DIXDC1: variants seen among roughly 807,000 people sequenced by gnomAD.
The protein encoded by DIXDC1 is dixin.
Under a neutral mutation model 103.1 loss-of-function variants are expected in DIXDC1, and 64 were observed. The observed-to-expected ratio is 0.62, with a 90% CI of 0.51 to 0.76. The LOEUF (loss-of-function observed/expected upper bound fraction) is 0.76, where lower values mean the gene tolerates loss of function less well. DIXDC1 is among the 30% of genes least tolerant of loss of function. The pLI, the probability that DIXDC1 is intolerant of heterozygous loss-of-function variation, is 0.00. For synonymous variants in DIXDC1, 266 were observed against 298.5 expected, an observed-to-expected ratio of 0.89 and a Z score of 1.12; for missense variants, 759 against 834.2, an observed-to-expected ratio of 0.91 and a Z score of 1.11.
At chr11:111,954,023 A>G (rs1252334192) in intron 1 of DIXDC1, among the ~76,000 whole-genome samples, 1 of 152,132 alleles carries the variant, frequency 6.6e-6, no homozygotes, top group Non-Finnish European at 1.5e-5. Flanking sequence ...GACCGGTTTC[A>G]TGGAAGACAG....
rs587755444 is a variant in DIXDC1 at position 111,937,604 on chromosome 11, G to T, written c.60+45G>T. On this transcript the variant is annotated intron_variant, in intron 1 of 19. Transcript: ENST00000440460. The stretch of plus-strand genomic sequence containing the variant: ...CACTCCTCAGCTCCCCTCCCCCAGC[G>T]TCTCCCGCCCAGTCTCCGGAAGGGG... 323 of 1,547,464 alleles carry T rather than the reference G, an allele frequency of 2.1e-4. 2 individuals are homozygous for T. In the East Asian group the frequency reaches 7.5e-3, roughly 36 times the overall value.
intron 17 of DIXDC1, among the ~76,000 whole-genome samples, chr11:112,014,101 A>G (rs926409255): frequency 6.6e-6 from 1 of 152,138 alleles, no homozygotes; most frequent in Admixed American, 6.6e-5. Context: ...AACACTTCCC[A>G]TTAGGCCCCA....
chr11:112,006,332 C>T (rs1369237257), intron 17 of DIXDC1, among the ~76,000 whole-genome samples: 2 of 152,234 alleles, frequency 1.3e-5, no homozygotes, highest in South Asian at 2.1e-4. Flanking sequence ...CCTGCTGATT[C>T]TGTAGCCCCC....
chr11:112,002,580 C>T (rs1361980826), intron 17 of DIXDC1, among the ~76,000 whole-genome samples: 1 of 151,994 alleles, frequency 6.6e-6, no homozygotes, highest in Non-Finnish European at 1.5e-5. Flanking sequence ...CGCTTGAGCT[C>T]AGGAGTTCGA....
chr11:111,961,491 G>A (rs587760077), intron 1 of DIXDC1, among the ~76,000 whole-genome samples: 20 of 152,316 alleles, frequency 1.3e-4, no homozygotes, highest in African/African-American at 4.3e-4. Flanking sequence ...TAGATAAAAT[G>A]TGTTTAAAGA....
chr11:111,991,371 T>G lies in DIXDC1; in HGVS notation c.1114-1044T>G, dbSNP rs188797799. ...CTCCCATGTAACATCATGTGGCACA[T>G]TAATGTCCCATGGAGCACATTTTGG... is the stretch of plus-strand genomic sequence containing the variant. On this transcript the variant is annotated intron_variant, in intron 10 of 19. Coordinates refer to ENST00000440460, the MANE Select transcript of DIXDC1 (RefSeq NM_001037954.4). 2.0e-5 allele frequency among the ~76,000 whole-genome samples: 3 copies of G among 152,212 alleles called. No individual in the cohort carries two copies. In the East Asian group the frequency reaches 5.8e-4, roughly 29 times the overall value.
At chr11:111,993,374 T>G (rs202117762) in intron 12 of DIXDC1, 122 bp from the exon 13 acceptor site, 4 of 953,034 alleles carry the variant, frequency 4.2e-6, no homozygotes, top group Non-Finnish European at 6.5e-6. Flanking sequence ...CCTGGTATAT[T>G]TGAGGAAAGG....
upstream of DIXDC1, chr11:111,937,128 G>GGGGGGT (rs1385828400): frequency 8.5e-4 from 581 of 684,130 alleles, 82 homozygotes; most frequent in African/African-American, 0.016. Context: ...GCTGCGGCCC[G>GGGGGGT]GGCGGGGGGG....
intron 1 of DIXDC1, among the ~76,000 whole-genome samples, chr11:111,943,147 T>TGAA (rs1456414609): frequency 2.0e-5 from 3 of 152,234 alleles, no homozygotes; most frequent in African/African-American, 7.2e-5. Context: ...TCAATTTATT[T>TGAA]ATTTTTTGAG....
chr11:111,989,168 T>C, intron 10 of DIXDC1, 113 bp downstream of exon 10: 1 of 823,870 alleles, frequency 1.2e-6, no homozygotes, highest in Non-Finnish European at 1.8e-6. Flanking sequence ...TCTGTGCTAT[T>C]GGTAAAGAAA....
Position 112,020,249 on chromosome 11 carries a change from T to C in DIXDC1, c.*1213T>C, listed in dbSNP as rs2137656352. ...TCATCCATCAAGCACCATCAACCAG[T>C]CAGCCATTATTATTTATATATGTAT... On this transcript the variant is annotated 3_prime_UTR_variant, in exon 20 of 20. Transcript: ENST00000440460. The C allele has an allele frequency of 6.5e-6, 1 of 152,700 alleles. No homozygotes were observed. Among genetic ancestry groups the C allele is most frequent in the East Asian group, 1.9e-4 (1 of 5,176 alleles). The allele number at this position is 152,700 out of a possible 1,614,324, so 9.5% of individuals were successfully genotyped here. A position where few individuals can be genotyped will look rare whatever the true frequency, so the allele number is the denominator to read the frequency against.
intron 17 of DIXDC1, among the ~76,000 whole-genome samples, chr11:112,008,131 C>CAAAAAAAAA (rs782037838): frequency 5.7e-5 from 3 of 52,268 alleles, no homozygotes; most frequent in Non-Finnish European, 4.7e-5. Flanking sequence ...AAATGCAAAG[C>CAAAAAAAAA]AAAAAAAAAA....
Position 111,937,532 on chromosome 11 carries a change from G to C in DIXDC1, c.33G>C (p.Leu11=). The part of the protein sequence containing the change: MLACLTRGNL[L]DVLQEGFNEQ... ...CCTGCCTGACCCGAGGGAACTTACT[G>C]GACGTCCTGCAGGAGGGCTTCAATG... Residue 11 remains leucine, a synonymous_variant, in exon 1 of 20, where the codon CTG becomes CTC. Transcript: ENST00000440460. 6.3e-7 allele frequency: 1 copy of C among 1,596,282 alleles called. No individual in the cohort carries two copies. The highest frequency in any genetic ancestry group is 8.5e-7 in the Non-Finnish European group (1 of 1,171,770).
chr11:111,977,773 T>C lies in DIXDC1; in HGVS notation c.656+2790T>C. 1.3e-6 allele frequency: 2 copies of C among 1,562,454 alleles called. No individual in the cohort carries two copies. The highest frequency in any genetic ancestry group is 1.2e-5 in the South Asian group (1 of 85,036). ...GAAGCCCGAGACAGGAGGGGGACCA[T>C]GGGAGGGACGCAAGTCAAATGGTGA... On this transcript the variant is annotated intron_variant, in intron 5 of 19. Coordinates refer to ENST00000440460, the MANE Select transcript of DIXDC1 (RefSeq NM_001037954.4). The surrounding 1 kb of genome is among the most constrained non-coding windows in gnomAD (Gnocchi z 6.1).
At position 111,977,733 on chromosome 11, in the gene DIXDC1, G is replaced by A. The variant is rs1555172782; in HGVS notation, c.656+2750G>A. The A allele has an allele frequency of 1.9e-6, 3 of 1,556,464 alleles. No homozygotes were observed. Among genetic ancestry groups the A allele is most frequent in the Non-Finnish European group, 8.7e-7 (1 of 1,150,142 alleles). Reference sequence around the variant, plus strand: ...ACTCTCAGCCTCCCACTTCACCCGGGGACGCAGGCTTGCTGAAGCCCGAGA... The same window carrying A: ...ACTCTCAGCCTCCCACTTCACCCGGAGACGCAGGCTTGCTGAAGCCCGAGA... On this transcript the variant is annotated intron_variant, in intron 5 of 19. Transcript: ENST00000440460. The surrounding 1 kb of genome is among the most constrained non-coding windows in gnomAD (Gnocchi z 6.1).
intron 17 of DIXDC1, among the ~76,000 whole-genome samples, chr11:112,004,005 C>A (rs1861147691): frequency 7.3e-6 from 1 of 136,696 alleles, no homozygotes; most frequent in African/African-American, 2.7e-5. Context: ...ATAAAAAAAC[C>A]CCATCTTAAA....
Position 111,977,879 on chromosome 11 carries a change from A to G in DIXDC1, c.657-2858A>G. 6 of 1,456,034 alleles carry G rather than the reference A, an allele frequency of 4.1e-6. No homozygotes were observed. The highest frequency in any genetic ancestry group is 4.5e-6 in the Non-Finnish European group (5 of 1,099,834). The allele number at this position is 1,456,034 out of a possible 1,614,324, so 90.2% of individuals were successfully genotyped here. On this transcript the variant is annotated intron_variant, in intron 5 of 19. Coordinates refer to ENST00000440460, the MANE Select transcript of DIXDC1 (RefSeq NM_001037954.4). This position sits in a 1 kb window ranked among gnomAD's most constrained non-coding sequence, Gnocchi z 6.1. Reference sequence around the variant, plus strand: ...CTGGAGGATGCTGTTGGCCGGAGACAGGCGGGGTGGTGGGAGCATTATGTT... The same window carrying G: ...CTGGAGGATGCTGTTGGCCGGAGACGGGCGGGGTGGTGGGAGCATTATGTT...
chr11:111,989,787 G>A (rs1458591661), intron 10 of DIXDC1, among the ~76,000 whole-genome samples: 8 of 151,686 alleles, frequency 5.3e-5, no homozygotes, highest in African/African-American at 1.9e-4. Context: ...CTTTCCTAGA[G>A]GCATCTTTTT....
At chr11:111,946,389 A>C (rs587650340) in intron 1 of DIXDC1, among the ~76,000 whole-genome samples, 4 of 151,770 alleles carry the variant, frequency 2.6e-5, no homozygotes, top group Admixed American at 2.6e-4. Flanking sequence ...ATTACAGGCT[A>C]ATTTTTGTAT....
Sources: allele counts gnomAD v4.1 joint callset (sites outside exome capture counted in the v4.1 genomes callset), GRCh38; gene constraint gnomAD v4.1.1; non-coding constraint Gnocchi (gnomAD v3.1); transcripts MANE v1.5; gene names NCBI Gene and HGNC (gene_info 2026-07-23, HGNC 2026-07-21).